The following ZDHHC15 variants were observed in gnomAD, a reference collection of about 807,000 sequenced individuals.
The protein encoded by ZDHHC15 is palmitoyltransferase ZDHHC15.
ZDHHC15 carries 19 observed loss-of-function variants against 31.7 expected under a neutral mutation model. The observed-to-expected ratio is 0.60, with a 90% confidence interval of 0.42 to 0.88. The LOEUF (loss-of-function observed/expected upper bound fraction) is 0.88. ZDHHC15 is among the 40% of genes least tolerant of loss of function. The probability of loss-of-function intolerance (pLI) is 0.00; values close to 1 mark genes in which losing one functional copy is unlikely to be tolerated. For synonymous variants in ZDHHC15, 103 were observed against 90.0 expected (o/e 1.14, Z -0.82); for missense variants, 209 against 251.2 (o/e 0.83, Z 1.14).
intron 10 of ZDHHC15, among the ~76,000 whole-genome samples, chrX:75,409,808 A>C (rs1010941025): frequency 3.1e-5 from 3 of 98,181 alleles, no homozygotes; most frequent in African/African-American, 1.1e-4. Flanking sequence ...AAAAAAAAAA[A>C]AAAAAAAAAA....
chrX:75,517,751 T>A (rs754118524), intron 1 of ZDHHC15, among the ~76,000 whole-genome samples: 97 of 109,326 alleles, frequency 8.9e-4, no homozygotes, highest in African/African-American at 2.2e-3. Context: ...AATAAAATTT[T>A]AAAAAAAAGC....
At chrX:75,491,303 A>T (rs1218558736) in intron 2 of ZDHHC15, among the ~76,000 whole-genome samples, 1 of 110,089 alleles carries the variant, frequency 9.1e-6, no homozygotes, top group African/African-American at 3.3e-5. Flanking sequence ...GCCATAAAAA[A>T]TGATGAGTTC....
chrX:75,390,309 C>T (rs1350482378), intron 10 of ZDHHC15, among the ~76,000 whole-genome samples: 1 of 111,821 alleles, frequency 8.9e-6, no homozygotes, highest in Non-Finnish European at 1.9e-5. Flanking sequence ...AAGGGAAGAA[C>T]AGAAACCTGG....
At chrX:75,493,725 T>G (rs763315355) in intron 2 of ZDHHC15, among the ~76,000 whole-genome samples, 13 of 112,097 alleles carry the variant, frequency 1.2e-4, no homozygotes, top group African/African-American at 4.2e-4. Flanking sequence ...TTTGACAAAA[T>G]TCAACAGCCC....
intron 2 of ZDHHC15, among the ~76,000 whole-genome samples, chrX:75,491,294 C>A (rs2084885833): frequency 1.8e-5 from 2 of 109,510 alleles, no homozygotes; most frequent in South Asian, 8.0e-4. Context: ...TTCTATGCAG[C>A]CATAAAAAAT....
chrX:75,487,798 G>GA (rs2084802276), intron 2 of ZDHHC15, among the ~76,000 whole-genome samples: 2 of 111,329 alleles, frequency 1.8e-5, no homozygotes, highest in Admixed American at 9.6e-5. Flanking sequence ...AAATATAGAT[G>GA]AAAAAGTCTA....
chrX:75,505,971 A>T, intron 1 of ZDHHC15, 124 bp from the exon 2 acceptor site: 1 of 583,721 alleles, frequency 1.7e-6, no homozygotes, highest in Non-Finnish European at 2.8e-6. Context: ...TCATTTGAGT[A>T]ATTTATATAA....
At chrX:75,495,775 C>T (rs1461220254) in intron 2 of ZDHHC15, among the ~76,000 whole-genome samples, 15 of 61,005 alleles carry the variant, frequency 2.5e-4, no homozygotes, top group Non-Finnish European at 3.2e-4. Flanking sequence ...ACACTGGGGA[C>T]TGTTGTACGG....
Position 75,431,489 on chromosome X carries a change from G to T in ZDHHC15, c.411C>A (p.Ile137=), listed in dbSNP as rs1318677777. 8.3e-7 allele frequency: 1 copy of T among 1,206,578 alleles called. No homozygotes were observed. The highest frequency in any genetic ancestry group is 2.2e-5 in the Admixed American group (1 of 45,253). Residue 137 remains isoleucine, a synonymous_variant, in exon 5 of 12, where the codon ATC becomes ATA. Transcript: ENST00000373367. ...AVRFCDRCHL[I]KPDRCHHCSV... is the part of the protein sequence containing the mutation. ...AGCAGTGGTGGCAGCGGTCTGGCTT[G>T]ATCAGATGACACCGGTCACAGAATC... is the stretch of plus-strand genomic sequence containing the variant.
intron 2 of ZDHHC15, among the ~76,000 whole-genome samples, chrX:75,488,884 C>T (rs188840358): frequency 3.0e-4 from 34 of 112,086 alleles, no homozygotes; most frequent in East Asian, 2.8e-3. Context: ...CCTGGAAAAT[C>T]GGGTCACTCC....
intron 10 of ZDHHC15, among the ~76,000 whole-genome samples, chrX:75,389,083 T>C (rs892703797): frequency 1.2e-4 from 13 of 111,381 alleles, no homozygotes; most frequent in Non-Finnish European, 1.9e-4. Context: ...GCAGTTTGTG[T>C]TGGAACTCAG....
intron 1 of ZDHHC15, among the ~76,000 whole-genome samples, chrX:75,513,164 A>C (rs2085301125): frequency 9.0e-6 from 1 of 111,580 alleles, no homozygotes. Flanking sequence ...TTTAAACGTT[A>C]GACCTAAAAC....
rs765057218 is a variant in ZDHHC15 at position 75,379,155 on chromosome X, T to C, written c.1011A>G (p.Thr337=). Residue 337 remains threonine, a synonymous_variant, in exon 11 of 12, where the codon ACA becomes ACG. Coordinates refer to ENST00000373367, the MANE Select transcript of ZDHHC15 (RefSeq NM_144969.3). ...GSSSLAVETE[T] Reference sequence around the variant, plus strand: ...GATGCAGGAAATGTGAAAACTGCTATGTTTCCGTTTCCACAGCAAGAGATG... The same window carrying C: ...GATGCAGGAAATGTGAAAACTGCTACGTTTCCGTTTCCACAGCAAGAGATG... 2 of 1,211,436 alleles carry C rather than the reference T, an allele frequency of 1.7e-6. No individual in the cohort carries two copies. The highest frequency in any genetic ancestry group is 2.2e-5 in the Admixed American group (1 of 46,021).
intron 6 of ZDHHC15, among the ~76,000 whole-genome samples, chrX:75,429,677 G>T (rs1046788867): frequency 4.2e-4 from 47 of 111,821 alleles, no homozygotes; most frequent in African/African-American, 1.5e-3. Context: ...AAGGAGAAAT[G>T]TTTGTGCTGT....
chrX:75,392,497 C>CCAT (rs2083256215), intron 10 of ZDHHC15, among the ~76,000 whole-genome samples: 1 of 111,931 alleles, frequency 8.9e-6, no homozygotes, highest in East Asian at 2.8e-4. Flanking sequence ...CCAGTATTAA[C>CCAT]CATCACAAGT....
rs781325449 is a variant in ZDHHC15 at position 75,394,647 on chromosome X, A to C, written c.968-15449T>G. Among the ~76,000 whole-genome samples, 3 of 112,229 alleles carry C rather than the reference A, an allele frequency of 2.7e-5. No individual in the cohort carries two copies. The South Asian group carries it at 1.1e-3, about 42-fold the overall frequency. Reference sequence around the variant, plus strand: ...CAAGGAAGGTGATTATATAATGATAAAGGGGTCTATTCAGCAGGAGAATAT... The same window carrying C: ...CAAGGAAGGTGATTATATAATGATACAGGGGTCTATTCAGCAGGAGAATAT... On this transcript the variant is annotated intron_variant, in intron 10 of 11. Transcript: ENST00000373367.
intron 9 of ZDHHC15, among the ~76,000 whole-genome samples, chrX:75,420,441 C>A (rs1038800363): frequency 2.7e-5 from 3 of 111,403 alleles, no homozygotes; most frequent in African/African-American, 9.8e-5. Context: ...TTGACCCAGC[C>A]ATCCCATTAC....
chrX:75,502,209 T>C (rs751655848), intron 2 of ZDHHC15: 1 of 111,634 alleles, frequency 9.0e-6, no homozygotes, highest in South Asian at 3.8e-4. Context: ...ATAGTCATCT[T>C]CTCCCTGTGT....
At chrX:75,485,166 T>G (rs564598257) in intron 2 of ZDHHC15, among the ~76,000 whole-genome samples, 28 of 111,527 alleles carry the variant, frequency 2.5e-4, no homozygotes, top group Middle Eastern at 4.6e-3. Flanking sequence ...CTGTCAAAAC[T>G]TATCAACCTG....
Sources: allele counts gnomAD v4.1 joint callset (sites outside exome capture counted in the v4.1 genomes callset), GRCh38; gene constraint gnomAD v4.1.1; transcripts MANE v1.5; gene names NCBI Gene and HGNC (gene_info 2026-07-23, HGNC 2026-07-21).